The following GALNT9 variants were observed in gnomAD, a reference collection of about 807,000 sequenced individuals.
GALNT9 encodes the protein polypeptide N-acetylgalactosaminyltransferase 9, also known as GalNAc transferase 9.
A neutral mutation model predicts 63.1 loss-of-function variants in GALNT9; 47 were observed. That is an observed-to-expected ratio of 0.75 (90% CI 0.59 to 0.95). The LOEUF (loss-of-function observed/expected upper bound fraction) is 0.95. Ranked by LOEUF, GALNT9 falls within the 40% of genes least tolerant of loss-of-function variation. GALNT9 has a pLI of 0.00. For synonymous variants in GALNT9, 396 were observed against 365.7 expected (o/e 1.08, Z -0.94); for missense variants, 829 against 874.8 (o/e 0.95, Z 0.66).
chr12:132,305,417 G>GCACAGAATCGCCCAGA (rs1267853557), intron 1 of GALNT9, among the ~76,000 whole-genome samples: 1 of 34,940 alleles, frequency 2.9e-5, no homozygotes, highest in Admixed American at 3.4e-4. Flanking sequence ...CCTCACCCGG[G>GCACAGAATCGCCCAGA]CACACCCTCA....
intron 6 of GALNT9, among the ~76,000 whole-genome samples, chr12:132,215,148 T>C (rs1877133074): frequency 6.6e-6 from 1 of 152,206 alleles, no homozygotes; most frequent in Admixed American, 6.5e-5. Context: ...TCCGCAGCTC[T>C]GGGTGGCTTT....
At chr12:132,302,594 C>T (rs538117448) in intron 1 of GALNT9, among the ~76,000 whole-genome samples, 21 of 152,324 alleles carry the variant, frequency 1.4e-4, no homozygotes, top group Non-Finnish European at 2.2e-4. Flanking sequence ...CCCTGGTGAA[C>T]GCAGCACACA....
Position 132,257,801 on chromosome 12 carries a change from C to T in GALNT9, c.847G>A (p.Glu283Lys). The T allele has an allele frequency of 1.3e-6, 2 of 1,550,468 alleles. No homozygotes were observed. Among genetic ancestry groups the T allele is most frequent in the Non-Finnish European group, 1.7e-6 (2 of 1,146,854 alleles). The change falls in exon 5 of 11, where the codon GAG becomes AAG. Residue 283 changes from glutamate (E) to lysine (K), a missense_variant. Transcript: ENST00000328957. Reference protein sequence around the residue: ...AIDNIKYSTFEVQQYANAAHG... With the variant: ...AIDNIKYSTFKVQQYANAAHG... The stretch of plus-strand genomic sequence containing the variant: ...GCGGCGTTCGCATACTGCTGCACCT[C>T]AAACGTGCTGTACTTGATGTTGTCG...
Position 132,298,822 on chromosome 12 carries a change from A to C in GALNT9, c.239-12392T>G, listed in dbSNP as rs144170726. ...CCAACCCACTCCTGAGATAACTCAC[A>C]CCCATAACTAACCCACTCTCACCAC... On this transcript the variant is annotated intron_variant, in intron 1 of 10. Transcript: ENST00000328957. Among the ~76,000 whole-genome samples the C allele has an allele frequency of 1.6e-3, 199 of 126,936 alleles. 4 individuals are homozygous for C. Among genetic ancestry groups the C allele is most frequent in the African/African-American group, 5.3e-3 (182 of 34,636 alleles). 83.3% of individuals were successfully genotyped at this position (126,936 alleles called of 152,430 possible). A position where few individuals can be genotyped will look rare whatever the true frequency, so the allele number is the denominator to read the frequency against.
At position 132,197,959 on chromosome 12, in the gene GALNT9, G is replaced by A. The variant is rs1204585954; in HGVS notation, c.1498C>T (p.Leu500=). 1 of 1,605,756 alleles carries A rather than the reference G, an allele frequency of 6.2e-7. No individual in the cohort carries two copies. Among genetic ancestry groups the A allele is most frequent in the Non-Finnish European group, 8.5e-7 (1 of 1,175,442 alleles). ...LYPCHGMSSQ[L]VRYSADGLLQ... ...AGTCCATCAGCGCTGTACCGCACCA[G>A]CTGGGGACAGGACCACCGGGACTGT... The change falls in exon 10 of 11, where the codon CTG becomes TTG. Residue 500 remains leucine (L), a splice_region_variant and synonymous_variant. Coordinates refer to ENST00000328957, the MANE Select transcript of GALNT9 (RefSeq NM_001122636.2).
At chr12:132,317,066 C>A (rs1305834322) in intron 1 of GALNT9, among the ~76,000 whole-genome samples, 2 of 151,382 alleles carry the variant, frequency 1.3e-5, no homozygotes, top group Non-Finnish European at 3.0e-5. Context: ...ACAGCCTGCA[C>A]CCTATGGAGC....
chr12:132,226,130 C>T (rs1258727020), intron 6 of GALNT9, among the ~76,000 whole-genome samples: 2 of 149,120 alleles, frequency 1.3e-5, no homozygotes, highest in Non-Finnish European at 3.0e-5. Context: ...ACACACCCCA[C>T]ACTGTACATA....
intron 6 of GALNT9, among the ~76,000 whole-genome samples, chr12:132,215,160 T>TTC (rs1347874126): frequency 3.9e-5 from 6 of 152,224 alleles, no homozygotes; most frequent in African/African-American, 1.2e-4. Context: ...GGTGGCTTTG[T>TTC]GGCCGCTTCG....
chr12:132,260,028 G>A (rs1879312776), intron 4 of GALNT9, among the ~76,000 whole-genome samples: 1 of 73,174 alleles, frequency 1.4e-5, no homozygotes, highest in South Asian at 5.8e-4. Flanking sequence ...GTGGGCGCGG[G>A]GCCTGCCTGG....
At chr12:132,224,724 C>G (rs1210713167) in intron 6 of GALNT9, among the ~76,000 whole-genome samples, 1 of 139,730 alleles carries the variant, frequency 7.2e-6, no homozygotes, top group African/African-American at 2.7e-5. Flanking sequence ...ACATACGCCC[C>G]ATACACCATA....
intron 2 of GALNT9, among the ~76,000 whole-genome samples, chr12:132,271,321 C>T (rs1178982976): frequency 6.6e-6 from 1 of 152,132 alleles, no homozygotes; most frequent in African/African-American, 2.4e-5. Flanking sequence ...AACGCTGCCA[C>T]GCCCCGCCCG....
intron 6 of GALNT9, among the ~76,000 whole-genome samples, chr12:132,229,086 C>T (rs1877803677): frequency 6.6e-6 from 1 of 152,160 alleles, no homozygotes; most frequent in African/African-American, 2.4e-5. Flanking sequence ...GGGCAGGGGG[C>T]CGCCCTCCCC....
chr12:132,222,059 T>TCTTC lies in GALNT9; in HGVS notation c.1078-18373_1078-18370dup, dbSNP rs559080052. Among the ~76,000 whole-genome samples, 668 of 152,266 alleles carry TCTTC rather than the reference T, an allele frequency of 4.4e-3. 17 individuals are homozygous for TCTTC. The East Asian group carries it at 0.066, about 15-fold the overall frequency. On this transcript the variant is annotated intron_variant, in intron 6 of 10. Coordinates refer to ENST00000328957, the MANE Select transcript of GALNT9 (RefSeq NM_001122636.2). The stretch of plus-strand genomic sequence containing the variant: ...TGGGTAAGCCTGTGACGAGGGCTGC[T>TCTTC]CTTCCGTTCGCGGCTGAGGATGGAG...
At chr12:132,240,668 T>C (rs1249633339) in intron 6 of GALNT9, 1 of 455,828 alleles carries the variant, frequency 2.2e-6, no homozygotes, top group East Asian at 7.0e-5. Context: ...CTCTGCCGTG[T>C]TTTTCTTCCT....
At chr12:132,320,021 C>T (rs997048197) in intron 1 of GALNT9, among the ~76,000 whole-genome samples, 10 of 152,182 alleles carry the variant, frequency 6.6e-5, no homozygotes, top group Non-Finnish European at 1.3e-4. Context: ...CACTGGGTCC[C>T]GTTAGCGTTC....
At chr12:132,285,260 G>A (rs564206153) in intron 2 of GALNT9, among the ~76,000 whole-genome samples, 14 of 152,382 alleles carry the variant, frequency 9.2e-5, no homozygotes, top group South Asian at 8.3e-4. Context: ...CTGAGCGCCC[G>A]GCTTCTGCAG....
Position 132,268,153 on chromosome 12 carries a change from TCA to T in GALNT9, c.420-5530_420-5529del, listed in dbSNP as rs573979877. On this transcript the variant is annotated intron_variant, in intron 2 of 10. Transcript: ENST00000328957. ...CACTCACGCTCACACACACGCAATC[TCA>T]CACAAGCACACTCTCAAACCCATAC... Among the ~76,000 whole-genome samples, 50 of 147,926 alleles carry T rather than the reference TCA, an allele frequency of 3.4e-4. 1 individual carries two copies. The South Asian group carries it at 8.6e-3, about 26-fold the overall frequency.
In GALNT9 at chr12:132,250,005, G is replaced by A. The variant is rs371032624; in HGVS notation, c.960-1978C>T. On this transcript the variant is annotated intron_variant, in intron 5 of 10. Transcript: ENST00000328957. ...CAGCTTCCGGGGCCTTAGTCCAGCC[G>A]GACGCCTCTTGTTAGCATCAGAAGC... 5.3e-5 allele frequency among the ~76,000 whole-genome samples: 8 copies of A among 152,302 alleles called. No homozygotes were observed. In the South Asian group the frequency reaches 1.0e-3, roughly 20 times the overall value.
chr12:132,236,698 G>T lies in GALNT9; in HGVS notation c.1077+11212C>A, dbSNP rs2136894935. Among the ~76,000 whole-genome samples the T allele has an allele frequency of 5.3e-5, 8 of 152,194 alleles. No homozygotes were observed. Among genetic ancestry groups the T allele is most frequent in the Non-Finnish European group, 1.2e-4 (8 of 68,032 alleles). Reference sequence around the variant, plus strand: ...ATCGCCCAGCCTCGCAAGGTGTAAGGTTTCGGGGCATCAAGCCTGGCCTCG... The same window carrying T: ...ATCGCCCAGCCTCGCAAGGTGTAAGTTTTCGGGGCATCAAGCCTGGCCTCG... On this transcript the variant is annotated intron_variant, in intron 6 of 10. Coordinates refer to ENST00000328957, the MANE Select transcript of GALNT9 (RefSeq NM_001122636.2). This position sits in a 1 kb window ranked among gnomAD's most constrained non-coding sequence, Gnocchi z 5.6.
Sources: gnomAD v4.1 joint callset for allele counts (sites outside exome capture counted in the v4.1 genomes callset) on GRCh38, gnomAD v4.1.1 for gene constraint, Gnocchi (gnomAD v3.1) non-coding constraint, MANE v1.5 for transcripts, NCBI Gene and HGNC (gene_info 2026-07-23, HGNC 2026-07-21) for gene names.